Variants in FAAH2 observed in about 807,000 individuals in gnomAD.
FAAH2 encodes fatty acid amide hydrolase 2, also known as fatty-acid amide hydrolase 2.
In FAAH2, 60 loss-of-function variants were observed where a neutral mutation model predicts 36.9. The ratio of observed to expected loss-of-function variants is 1.63; its 90% CI spans 1.32 to 2.02. FAAH2 has a LOEUF of 2.02. Among genes scored for constraint, FAAH2 ranks in the 30% most tolerant of loss-of-function variants. The probability of loss-of-function intolerance (pLI) is 0.00; values close to 1 mark genes in which losing one functional copy is unlikely to be tolerated. For missense variants in FAAH2, 689 were observed against 397.5 expected, an observed-to-expected ratio of 1.73 and a Z score of -6.23; for synonymous variants, 214 against 143.8, an observed-to-expected ratio of 1.49 and a Z score of -3.49.
intron 3 of FAAH2, among the ~76,000 whole-genome samples, chrX:57,316,083 G>A (rs1030336705): frequency 5.8e-4 from 64 of 110,734 alleles, no homozygotes; most frequent in African/African-American, 2.0e-3. Context: ...GTAGTAAATC[G>A]GTAGTATAAT....
At chrX:57,393,773 G>A (rs1011126050) in intron 7 of FAAH2, 67 of 918,772 alleles carry the variant, frequency 7.3e-5, no homozygotes, top group Non-Finnish European at 9.8e-5. Flanking sequence ...AAAGTGGACC[G>A]TCTGTGTGTG....
At chrX:57,305,212 C>A (rs1333440098) in intron 2 of FAAH2, among the ~76,000 whole-genome samples, 1 of 110,463 alleles carries the variant, frequency 9.1e-6, no homozygotes, top group Non-Finnish European at 1.9e-5. Context: ...GAGCTCAATT[C>A]CCATATATGT....
chrX:57,306,781 A>T (rs761096764), intron 2 of FAAH2, among the ~76,000 whole-genome samples: 1 of 95,628 alleles, frequency 1.0e-5, no homozygotes, highest in South Asian at 5.0e-4. Context: ...TACCATATAT[A>T]TGTATACTAT....
At chrX:57,447,712 G>A (rs1242061114) in intron 9 of FAAH2, among the ~76,000 whole-genome samples, 1 of 90,199 alleles carries the variant, frequency 1.1e-5, no homozygotes, top group South Asian at 6.9e-4. Context: ...TGGCTAGAGG[G>A]GCTGGAATGC....
chrX:57,456,698 T>C (rs1352115660), intron 10 of FAAH2, among the ~76,000 whole-genome samples: 3 of 111,755 alleles, frequency 2.7e-5, no homozygotes, highest in Non-Finnish European at 5.6e-5. Context: ...ATAGATACAA[T>C]GGATAAATTC....
At chrX:57,307,467 T>C (rs1025611333) in intron 2 of FAAH2, among the ~76,000 whole-genome samples, 1 of 111,105 alleles carries the variant, frequency 9.0e-6, no homozygotes, top group Non-Finnish European at 1.9e-5. Context: ...TAGATTAATA[T>C]TGTTCAATAG....
intron 7 of FAAH2, among the ~76,000 whole-genome samples, chrX:57,384,596 A>G (rs766782751): frequency 5.0e-4 from 56 of 111,616 alleles, no homozygotes; most frequent in East Asian, 8.5e-4. Flanking sequence ...ACTGGCCATC[A>G]GAGAAATGCA....
At chrX:57,427,097 G>A (rs2056181004) in intron 7 of FAAH2, among the ~76,000 whole-genome samples, 1 of 110,932 alleles carries the variant, frequency 9.0e-6, no homozygotes, top group South Asian at 3.8e-4. Flanking sequence ...TAACTAGAGA[G>A]TAGCATGAAC....
At chrX:57,476,690 G>A (rs1355580961) in intron 10 of FAAH2, among the ~76,000 whole-genome samples, 2 of 111,338 alleles carry the variant, frequency 1.8e-5, no homozygotes, top group Non-Finnish European at 3.8e-5. Context: ...TCAGGAAGAT[G>A]CTGGCCTCAT....
chrX:57,201,053 GTT>G, the FAAH2 span, among the ~76,000 whole-genome samples: 4 of 96,537 alleles, frequency 4.1e-5, no homozygotes, highest in Non-Finnish European at 6.2e-5. Flanking sequence ...TAGGGTAAAA[GTT>G]TTTTTTTTTT....
At chrX:57,458,202 C>A (rs1375037337) in intron 10 of FAAH2, among the ~76,000 whole-genome samples, 8 of 112,058 alleles carry the variant, frequency 7.1e-5, no homozygotes, top group Admixed American at 4.7e-4. Context: ...GAGGAAAGGA[C>A]TCTCTATTCA....
the FAAH2 span, among the ~76,000 whole-genome samples, chrX:57,267,061 G>A: frequency 6.3e-5 from 7 of 111,782 alleles, no homozygotes; most frequent in Non-Finnish European, 9.4e-5. Context: ...GGTGCCCTGC[G>A]AGCCCACACC....
intron 7 of FAAH2, among the ~76,000 whole-genome samples, chrX:57,429,884 A>G (rs886986450): frequency 9.0e-6 from 1 of 111,192 alleles, no homozygotes; most frequent in Non-Finnish European, 1.9e-5. Flanking sequence ...TTTTTCCAGC[A>G]ACATCAATGG....
chrX:57,231,968 T>C, the FAAH2 span, among the ~76,000 whole-genome samples: 1 of 111,611 alleles, frequency 9.0e-6, no homozygotes, highest in Non-Finnish European at 1.9e-5. Context: ...CAAAGGAGAC[T>C]TTCATTCTAT....
chrX:57,441,548 A>T (rs1424255339), intron 8 of FAAH2, among the ~76,000 whole-genome samples: 4 of 109,486 alleles, frequency 3.7e-5, no homozygotes, highest in Non-Finnish European at 7.6e-5. Flanking sequence ...TTTTCAAAAA[A>T]ACCAGCTCCT....
intron 10 of FAAH2, among the ~76,000 whole-genome samples, chrX:57,486,027 T>C (rs2057468002): frequency 8.9e-6 from 1 of 111,924 alleles, no homozygotes; most frequent in African/African-American, 3.3e-5. Flanking sequence ...CTGTGCTTTG[T>C]AGTCTGATGA....
At chrX:57,243,102 C>T in the FAAH2 span, among the ~76,000 whole-genome samples, 1 of 111,285 alleles carries the variant, frequency 9.0e-6, no homozygotes, top group Non-Finnish European at 1.9e-5. Context: ...CTTGAGTAGG[C>T]GGTTTTCCAA....
At chrX:57,217,338 G>T in the FAAH2 span, among the ~76,000 whole-genome samples, 1 of 106,641 alleles carries the variant, frequency 9.4e-6, no homozygotes, top group Non-Finnish European at 1.9e-5. Context: ...TTGGGTTTTT[G>T]GTCATAAAAT....
chrX:57,325,211 C>T (rs893851257), intron 3 of FAAH2, among the ~76,000 whole-genome samples: 2 of 111,750 alleles, frequency 1.8e-5, no homozygotes, highest in East Asian at 5.6e-4. Flanking sequence ...GGTGGATAAG[C>T]TTTTAGATGT....
Sources: allele counts gnomAD v4.1 joint callset (sites outside exome capture counted in the v4.1 genomes callset), GRCh38; gene constraint gnomAD v4.1.1; transcripts MANE v1.5; gene names NCBI Gene and HGNC (gene_info 2026-07-23, HGNC 2026-07-21).